PJA2: variants seen among roughly 807,000 people sequenced by gnomAD.
The protein encoded by PJA2 is E3 ubiquitin-protein ligase Praja-2.
A neutral mutation model predicts 69.3 loss-of-function variants in PJA2; 25 were observed. That is an observed-to-expected ratio of 0.36 (90% CI 0.26 to 0.50). The LOEUF is 0.50. PJA2 is among the 20% of genes least tolerant of loss of function. The pLI is 0.96. For synonymous variants in PJA2, 308 were observed against 277.8 expected (o/e 1.11, Z -1.08); for missense variants, 809 against 830.2 (o/e 0.97, Z 0.31).
intron 1 of PJA2, among the ~76,000 whole-genome samples, chr5:109,389,917 T>C (rs79463425): frequency 6.6e-6 from 1 of 151,420 alleles, no homozygotes; most frequent in Non-Finnish European, 1.5e-5. Context: ...TTTTTTTTTT[T>C]GTTATTGGGT....
At chr5:109,345,022 C>T (rs1353686103) in intron 7 of PJA2, among the ~76,000 whole-genome samples, 2 of 151,872 alleles carry the variant, frequency 1.3e-5, no homozygotes, top group Non-Finnish European at 2.9e-5. Flanking sequence ...CACGCAGAGC[C>T]CAACTTTCTA....
At chr5:109,400,743 G>A (rs2127018026) in intron 1 of PJA2, among the ~76,000 whole-genome samples, 1 of 152,248 alleles carries the variant, frequency 6.6e-6, no homozygotes, top group East Asian at 1.9e-4. Flanking sequence ...ACTTTGGGAG[G>A]CAGAGGCAGG....
chr5:109,400,043 A>C (rs1413711062), intron 1 of PJA2, among the ~76,000 whole-genome samples: 2 of 152,178 alleles, frequency 1.3e-5, no homozygotes, highest in African/African-American at 4.8e-5. Flanking sequence ...TAATCCCAGC[A>C]ATTTGGGAGG....
rs369892341 is a variant in PJA2 at position 109,364,540 on chromosome 5, G to A, written c.1470-1518C>T. 1.7e-3 allele frequency among the ~76,000 whole-genome samples: 253 copies of A among 148,054 alleles called. 1 individual carries two copies. Among genetic ancestry groups the A allele is most frequent in the Middle Eastern group, 3.4e-3 (1 of 290 alleles). On this transcript the variant is annotated intron_variant, in intron 5 of 9. Coordinates refer to ENST00000361189, the MANE Select transcript of PJA2 (RefSeq NM_014819.5). ...TGGGAGGCTGAGGCAGGAGAATGGCGTGAACCCGGGAGGCGGAGCTTGCAG... is the reference window on the plus strand; with the variant it reads ...TGGGAGGCTGAGGCAGGAGAATGGCATGAACCCGGGAGGCGGAGCTTGCAG...
At chr5:109,389,917 T>G (rs79463425) in intron 1 of PJA2, among the ~76,000 whole-genome samples, 3 of 151,420 alleles carry the variant, frequency 2.0e-5, no homozygotes, top group Admixed American at 6.6e-5. Context: ...TTTTTTTTTT[T>G]GTTATTGGGT....
At chr5:109,385,205 CTACTGTATTGAA>C (rs1747130421) in intron 1 of PJA2, among the ~76,000 whole-genome samples, 1 of 152,166 alleles carries the variant, frequency 6.6e-6, no homozygotes, top group African/African-American at 2.4e-5. Context: ...AATGCTCTGG[CTACTGTATTGAA>C]TAGCATGAAG....
chr5:109,349,183 G>C (rs1056797410), intron 7 of PJA2, among the ~76,000 whole-genome samples: 7 of 152,176 alleles, frequency 4.6e-5, no homozygotes, highest in African/African-American at 1.2e-4. Flanking sequence ...GGTATATATG[G>C]AAGCCAAGTT....
At chr5:109,381,799 T>C in intron 2 of PJA2, 96 bp from the exon 3 acceptor site, 2 of 926,848 alleles carry the variant, frequency 2.2e-6, no homozygotes, top group East Asian at 2.6e-5. Flanking sequence ...TTTTATTATT[T>C]ATCAAATCAT....
intron 6 of PJA2, among the ~76,000 whole-genome samples, chr5:109,359,561 T>C (rs539640241): frequency 2.9e-4 from 44 of 152,302 alleles, no homozygotes; most frequent in Middle Eastern, 3.4e-3. Context: ...CTGCTAAAAA[T>C]TCACAACTCA....
chr5:109,399,376 C>T (rs1254147878), intron 1 of PJA2, among the ~76,000 whole-genome samples: 1 of 152,062 alleles, frequency 6.6e-6, no homozygotes, highest in African/African-American at 2.4e-5. Context: ...TAGTCAGCAT[C>T]AAGAAACAAC....
Position 109,378,884 on chromosome 5 carries a change from T to C in PJA2, c.603A>G (p.Val201=), listed in dbSNP as rs1377829948. The part of the protein sequence containing the change: ...SRYQESLGNT[V]FELENREAEA... ...CTGCCTCTCTGTTTTCCAACTCAAATACTGTATTGCCTAATGATTCCTGGT... is the reference window on the plus strand; with the variant it reads ...CTGCCTCTCTGTTTTCCAACTCAAACACTGTATTGCCTAATGATTCCTGGT... The change falls in exon 4 of 10, where the codon GTA becomes GTG. Residue 201 remains valine, a synonymous_variant. Transcript: ENST00000361189. 1 of 1,614,138 alleles carries C rather than the reference T, an allele frequency of 6.2e-7. No homozygotes were observed. Among genetic ancestry groups the C allele is most frequent in the South Asian group, 1.1e-5 (1 of 91,076 alleles).
chr5:109,354,342 CTATAGATTGGATATCTATATCTA>C, intron 7 of PJA2, among the ~76,000 whole-genome samples: 1 of 142,104 alleles, frequency 7.0e-6, no homozygotes, highest in African/African-American at 2.7e-5. Context: ...CTAGAGATAT[CTATAGATTGGATATCTATATCTA>C]GAGATATCTA....
intron 6 of PJA2, among the ~76,000 whole-genome samples, chr5:109,360,886 G>A (rs1762493609): frequency 6.6e-6 from 1 of 152,114 alleles, no homozygotes; most frequent in Admixed American, 6.5e-5. Context: ...CCAGCACTTT[G>A]GGAGGCCGAG....
chr5:109,386,547 C>T (rs1339140439), intron 1 of PJA2, among the ~76,000 whole-genome samples: 6 of 152,112 alleles, frequency 3.9e-5, no homozygotes, highest in African/African-American at 9.7e-5. Context: ...ATTTAGTCTA[C>T]GTGTTTTCAA....
intron 4 of PJA2, among the ~76,000 whole-genome samples, chr5:109,374,158 T>C (rs1354857314): frequency 2.0e-5 from 3 of 152,238 alleles, no homozygotes; most frequent in South Asian, 2.1e-4. Context: ...AAGATGGCTA[T>C]GATTTTTGCA....
chr5:109,349,425 G>A (rs137964736), intron 7 of PJA2, among the ~76,000 whole-genome samples: 22 of 152,250 alleles, frequency 1.4e-4, no homozygotes, highest in African/African-American at 4.1e-4. Flanking sequence ...AGTGATGTTC[G>A]TGGCTTTCTC....
intron 4 of PJA2, among the ~76,000 whole-genome samples, chr5:109,369,017 C>T (rs888706241): frequency 6.6e-6 from 1 of 152,018 alleles, no homozygotes; most frequent in African/African-American, 2.4e-5. Flanking sequence ...GCACCTCCCC[C>T]CTCATTCTTT....
chr5:109,350,288 T>TAAA (rs772106763), intron 7 of PJA2, among the ~76,000 whole-genome samples: 1 of 141,708 alleles, frequency 7.1e-6, no homozygotes, highest in Admixed American at 7.1e-5. Context: ...CTATAAAAAT[T>TAAA]AAAAAAAAAA....
chr5:109,361,504 G>A (rs983328284), intron 6 of PJA2, among the ~76,000 whole-genome samples: 4 of 152,170 alleles, frequency 2.6e-5, no homozygotes, highest in Non-Finnish European at 5.9e-5. Context: ...CATAGATGAT[G>A]CTAAACAGAT....
Sources: gnomAD v4.1 joint callset for allele counts (sites outside exome capture counted in the v4.1 genomes callset) on GRCh38, gnomAD v4.1.1 for gene constraint, MANE v1.5 for transcripts, NCBI Gene and HGNC (gene_info 2026-07-23, HGNC 2026-07-21) for gene names.